ZNF385B: variants seen among roughly 807,000 people sequenced by gnomAD.
ZNF385B encodes the protein zinc finger protein 533.
Under a neutral mutation model 39.2 loss-of-function variants are expected in ZNF385B, and 23 were observed. That is an observed-to-expected ratio of 0.59 (90% CI 0.42 to 0.83). The LOEUF (loss-of-function observed/expected upper bound fraction) is 0.83, where lower values mean the gene tolerates loss of function less well. Among genes scored for constraint, ZNF385B ranks in the 40% least tolerant of loss-of-function variants. The pLI is 0.00. For synonymous variants in ZNF385B, 205 were observed against 222.6 expected (o/e 0.92, Z 0.70); for missense variants, 552 against 598.9 (o/e 0.92, Z 0.82).
chr2:179,630,997 C>A (rs1691151075), intron 3 of ZNF385B, among the ~76,000 whole-genome samples: 1 of 152,110 alleles, frequency 6.6e-6, no homozygotes, highest in South Asian at 2.1e-4. Flanking sequence ...ATGAACAAAG[C>A]CTCCAAGAAA....
chr2:179,482,310 G>A (rs1321014175), intron 6 of ZNF385B, among the ~76,000 whole-genome samples: 1 of 152,186 alleles, frequency 6.6e-6, no homozygotes, highest in African/African-American at 2.4e-5. Context: ...AGAAATGTGT[G>A]TGTTTCCCAC....
chr2:179,490,868 T>C (rs2105647486), intron 5 of ZNF385B, among the ~76,000 whole-genome samples: 1 of 152,320 alleles, frequency 6.6e-6, no homozygotes, highest in East Asian at 1.9e-4. Context: ...CTTGGCTGTA[T>C]CAACTGTGAT....
intron 3 of ZNF385B, among the ~76,000 whole-genome samples, chr2:179,643,745 G>A (rs1211721999): frequency 3.3e-5 from 5 of 152,070 alleles, no homozygotes; most frequent in African/African-American, 1.2e-4. Context: ...AAGGGTATAG[G>A]ACAAAATAAG....
At position 179,508,444 on chromosome 2, in the gene ZNF385B, A is replaced by G. The variant is rs146258129; in HGVS notation, c.552+10084T>C. Among the ~76,000 whole-genome samples, 43 of 152,250 alleles carry G rather than the reference A, an allele frequency of 2.8e-4. No homozygotes were observed. In the Middle Eastern group the frequency reaches 0.01, roughly 36 times the overall value. On this transcript the variant is annotated intron_variant, in intron 5 of 9. Transcript: ENST00000410066. ...ACAAACCCTCAACAATCTTTTTCCA[A>G]CTCCCAAGTGGCGAGACAAGTTTTG...
intron 1 of ZNF385B, among the ~76,000 whole-genome samples, chr2:179,859,591 A>G (rs534296106): frequency 6.6e-6 from 1 of 152,338 alleles, no homozygotes; most frequent in East Asian, 1.9e-4. Flanking sequence ...GGAGATCTAC[A>G]AGAATAGCTA....
At chr2:179,526,456 A>G (rs982939811) in intron 4 of ZNF385B, among the ~76,000 whole-genome samples, 3 of 151,680 alleles carry the variant, frequency 2.0e-5, no homozygotes, top group African/African-American at 7.3e-5. Flanking sequence ...TTAGCCAGGC[A>G]TGGTGGCACA....
chr2:179,554,118 G>C (rs2060753051), intron 3 of ZNF385B, among the ~76,000 whole-genome samples: 1 of 149,148 alleles, frequency 6.7e-6, no homozygotes. Flanking sequence ...CTCAACCTGT[G>C]CCTGATACAT....
At chr2:179,560,534 A>T (rs1424188452) in intron 3 of ZNF385B, among the ~76,000 whole-genome samples, 2 of 152,124 alleles carry the variant, frequency 1.3e-5, no homozygotes, top group Non-Finnish European at 2.9e-5. Context: ...ACTCTGATTG[A>T]CTTGTATCTC....
At chr2:179,757,034 G>A (rs1048979066) in intron 3 of ZNF385B, among the ~76,000 whole-genome samples, 2 of 152,144 alleles carry the variant, frequency 1.3e-5, no homozygotes, top group Non-Finnish European at 2.9e-5. Flanking sequence ...AGGGGGAGAG[G>A]TGCTCTGATT....
At chr2:179,725,767 TGATAA>T (rs1165073794) in intron 3 of ZNF385B, among the ~76,000 whole-genome samples, 2 of 151,300 alleles carry the variant, frequency 1.3e-5, no homozygotes, top group Admixed American at 6.6e-5. Context: ...ATGTTCCAAC[TGATAA>T]GATGTTTCAA....
rs143895622 is a variant in ZNF385B, at chr2:179,638,128, C to T, written c.299-93159G>A. On this transcript the variant is annotated intron_variant, in intron 3 of 9. Transcript: ENST00000410066. ...ATTGATTATGAAAGATGAATAAATTCGAGAGGTCTTCTGTACAACATTGTA... is the reference window on the plus strand; with the variant it reads ...ATTGATTATGAAAGATGAATAAATTTGAGAGGTCTTCTGTACAACATTGTA... 9.4e-3 allele frequency among the ~76,000 whole-genome samples: 1,428 copies of T among 152,144 alleles called. 24 individuals carry two copies. Among genetic ancestry groups the T allele is most frequent in the African/African-American group, 0.032 (1,319 of 41,510 alleles).
chr2:179,764,929 A>G (rs966043058), intron 3 of ZNF385B, among the ~76,000 whole-genome samples: 6 of 152,140 alleles, frequency 3.9e-5, no homozygotes, highest in African/African-American at 1.4e-4. Flanking sequence ...TTCAGACTCA[A>G]ATTGAAACAT....
intron 3 of ZNF385B, among the ~76,000 whole-genome samples, chr2:179,725,867 A>C (rs1422023632): frequency 6.7e-6 from 1 of 149,352 alleles, no homozygotes; most frequent in Non-Finnish European, 1.5e-5. Context: ...TATATCTCAT[A>C]TATACATACA....
chr2:179,803,991 T>A (rs957471652), intron 1 of ZNF385B, among the ~76,000 whole-genome samples: 14 of 152,262 alleles, frequency 9.2e-5, no homozygotes, highest in African/African-American at 3.4e-4. Flanking sequence ...AGAAATGGGT[T>A]CAAGATCGGA....
At chr2:179,790,902 T>C (rs1468255069) in intron 1 of ZNF385B, among the ~76,000 whole-genome samples, 3 of 152,238 alleles carry the variant, frequency 2.0e-5, no homozygotes, top group Non-Finnish European at 2.9e-5. Flanking sequence ...GGGAAAATTA[T>C]AATGTCCCCC....
intron 3 of ZNF385B, among the ~76,000 whole-genome samples, chr2:179,598,289 T>C (rs1160335796): frequency 2.6e-5 from 4 of 152,184 alleles, no homozygotes; most frequent in Non-Finnish European, 5.9e-5. Flanking sequence ...TTTGTGGCGC[T>C]CTAGTTCATG....
intron 1 of ZNF385B, among the ~76,000 whole-genome samples, chr2:179,854,973 TC>T (rs1334170168): frequency 6.6e-6 from 1 of 152,146 alleles, no homozygotes; most frequent in African/African-American, 2.4e-5. Flanking sequence ...ACTGTACTCA[TC>T]TACAGTTCTT....
intron 1 of ZNF385B, among the ~76,000 whole-genome samples, chr2:179,832,509 A>C (rs1192779781): frequency 6.6e-6 from 1 of 152,194 alleles, no homozygotes; most frequent in Non-Finnish European, 1.5e-5. Flanking sequence ...AATAATTATT[A>C]GGTTTTAGGA....
chr2:179,640,055 A>C (rs1692125753), intron 3 of ZNF385B, among the ~76,000 whole-genome samples: 1 of 152,176 alleles, frequency 6.6e-6, no homozygotes, highest in African/African-American at 2.4e-5. Flanking sequence ...TTGCAAAACA[A>C]ATAGCCTAGA....
Sources: allele counts gnomAD v4.1 joint callset (sites outside exome capture counted in the v4.1 genomes callset), GRCh38; gene constraint gnomAD v4.1.1; transcripts MANE v1.5; gene names NCBI Gene and HGNC (gene_info 2026-07-23, HGNC 2026-07-21).